The following SNRNP40 variants were observed in gnomAD, a reference collection of about 807,000 sequenced individuals.
The protein encoded by SNRNP40 is U5 small nuclear ribonucleoprotein 40 kDa protein.
SNRNP40 carries 21 observed loss-of-function variants against 45.8 expected under a neutral mutation model. The ratio of observed to expected loss-of-function variants is 0.46; its 90% CI spans 0.32 to 0.66. The LOEUF (loss-of-function observed/expected upper bound fraction) is 0.66, where lower values mean the gene tolerates loss of function less well. SNRNP40 is among the 30% of genes least tolerant of loss of function. The pLI is 0.03. For missense variants in SNRNP40, 344 were observed against 439.1 expected, an observed-to-expected ratio of 0.78 and a Z score of 1.94; for synonymous variants, 142 against 163.8, an observed-to-expected ratio of 0.87 and a Z score of 1.01.
rs1054809047 is a variant in SNRNP40 at position 31,280,348 on chromosome 1, G to A, written c.654+1026C>T. Reference sequence around the variant, plus strand: ...CCAGCTAATTTTTGTATTTTCAGTAGAGACGAGGTTTCACCACATTGGCCA... The same window carrying A: ...CCAGCTAATTTTTGTATTTTCAGTAAAGACGAGGTTTCACCACATTGGCCA... On this transcript the variant is annotated intron_variant, in intron 5 of 9. Transcript: ENST00000263694. Among the ~76,000 whole-genome samples, 14 of 151,646 alleles carry A rather than the reference G, an allele frequency of 9.2e-5. No individual in the cohort carries two copies. The East Asian group carries it at 1.4e-3, about 15-fold the overall frequency.
At chr1:31,274,370 G>A (rs1336621553) in intron 5 of SNRNP40, among the ~76,000 whole-genome samples, 4 of 151,948 alleles carry the variant, frequency 2.6e-5, no homozygotes, top group Non-Finnish European at 5.9e-5. Flanking sequence ...CAGAGTAGCT[G>A]GGACTACAGG....
intron 1 of SNRNP40, among the ~76,000 whole-genome samples, chr1:31,294,814 C>T (rs1254521799): frequency 1.3e-5 from 2 of 151,482 alleles, no homozygotes; most frequent in Admixed American, 6.6e-5. Context: ...TGGTGGCGGG[C>T]GCCTGTAATT....
chr1:31,289,135 T>TA, intron 4 of SNRNP40, 119 bp downstream of exon 4: 1 of 818,198 alleles, frequency 1.2e-6, no homozygotes, highest in Non-Finnish European at 1.9e-6. Context: ...TCAAGTGTGT[T>TA]ATGGGAGATG....
At position 31,296,708 on chromosome 1, in the gene SNRNP40, A is replaced by G. The variant is rs1242357222; in HGVS notation, c.44T>C (p.Val15Ala). 1 of 1,613,498 alleles carries G rather than the reference A, an allele frequency of 6.2e-7. No homozygotes were observed. The highest frequency in any genetic ancestry group is 1.1e-5 in the South Asian group (1 of 91,042). Residue 15 changes from valine (V) to alanine (A), a missense_variant, in exon 1 of 10, where the codon GTT becomes GCT. Physicochemically the swap from Val to Ala is moderately conservative, Grantham distance 64. Transcript: ENST00000263694. Reference sequence around the variant, plus strand: ...CTCATGCCGCTGCCGCTTGACTGGAACCAGCGGCAACTCTGGGCCCTTACG... The same window carrying G: ...CTCATGCCGCTGCCGCTTGACTGGAGCCAGCGGCAACTCTGGGCCCTTACG... ...QKRKGPELPLVPVKRQRHELL... is the reference protein window; with the variant it reads ...QKRKGPELPLAPVKRQRHELL...
intron 4 of SNRNP40, among the ~76,000 whole-genome samples, chr1:31,284,738 T>G (rs111663057): frequency 1.3e-5 from 2 of 152,208 alleles, no homozygotes; most frequent in African/African-American, 4.8e-5. Flanking sequence ...AGAGTCTGAG[T>G]AGGATCTGTG....
chr1:31,262,544 AGAGGAG>A (rs1557672164), intron 8 of SNRNP40, among the ~76,000 whole-genome samples: 14 of 57,418 alleles, frequency 2.4e-4, no homozygotes, highest in Middle Eastern at 0.014. Context: ...AAAAAAAAAA[AGAGGAG>A]AAAAAAGAAA....
intron 4 of SNRNP40, among the ~76,000 whole-genome samples, chr1:31,286,762 T>G (rs1646062559): frequency 6.6e-6 from 1 of 152,184 alleles, no homozygotes; most frequent in African/African-American, 2.4e-5. Context: ...ACTCTCTGAC[T>G]ACTCCCTACA....
intron 6 of SNRNP40, among the ~76,000 whole-genome samples, chr1:31,270,245 T>A (rs1410695286): frequency 6.6e-6 from 1 of 152,224 alleles, no homozygotes. Flanking sequence ...AAAGAATTTG[T>A]AATTGTATTA....
chr1:31,293,738 T>A (rs1001614), intron 1 of SNRNP40, among the ~76,000 whole-genome samples: 14,082 of 151,946 alleles, frequency 0.093, 2,201 homozygotes, highest in African/African-American at 0.32. Flanking sequence ...TGAACTAGCA[T>A]GCCATGCTAA....
chr1:31,267,855 A>AC lies in SNRNP40; in HGVS notation c.920+15dup. 1 of 1,603,984 alleles carries AC rather than the reference A, an allele frequency of 6.2e-7. No individual in the cohort carries two copies. The highest frequency in any genetic ancestry group is 8.5e-7 in the Non-Finnish European group (1 of 1,171,226). On this transcript the variant is annotated intron_variant, in intron 8 of 9. Transcript: ENST00000263694. ...CCAGCTACATCATTCTTTACTTTGC[A>AC]CCCACTAATCCTTACCTGTCGGCTG...
Position 31,270,249 on chromosome 1 carries a change from T to A in SNRNP40, c.776-1009A>T, listed in dbSNP as rs1287942673. On this transcript the variant is annotated intron_variant, in intron 6 of 9. Coordinates refer to ENST00000263694, the MANE Select transcript of SNRNP40 (RefSeq NM_004814.3). Reference sequence around the variant, plus strand: ...CAAACAAAAATAAAGAATTTGTAATTGTATTATGCAGCCACAAGAAATTAT... The same window carrying A: ...CAAACAAAAATAAAGAATTTGTAATAGTATTATGCAGCCACAAGAAATTAT... Among the ~76,000 whole-genome samples the A allele has an allele frequency of 3.3e-5, 5 of 152,308 alleles. No individual in the cohort carries two copies. In the East Asian group the frequency reaches 9.6e-4, roughly 29 times the overall value.
At chr1:31,272,716 A>C (rs1253521962) in intron 5 of SNRNP40, among the ~76,000 whole-genome samples, 1 of 152,230 alleles carries the variant, frequency 6.6e-6, no homozygotes, top group Non-Finnish European at 1.5e-5. Context: ...AACTCAGAAG[A>C]CCAAATGTAA....
intron 8 of SNRNP40, among the ~76,000 whole-genome samples, chr1:31,264,520 C>G (rs538325367): frequency 2.1e-4 from 32 of 152,234 alleles, no homozygotes; most frequent in African/African-American, 7.2e-4. Flanking sequence ...TTTAACTTCT[C>G]TAAGCTTCTT....
chr1:31,268,166 C>T (rs946820619), intron 7 of SNRNP40, among the ~76,000 whole-genome samples: 2 of 151,986 alleles, frequency 1.3e-5, no homozygotes, highest in African/African-American at 4.8e-5. Context: ...AACCTGGCAA[C>T]AAAATTTTGT....
At chr1:31,261,795 A>T (rs1645860947) in intron 8 of SNRNP40, 163 bp from the exon 9 acceptor site, 2 of 536,982 alleles carry the variant, frequency 3.7e-6, no homozygotes, top group Non-Finnish European at 3.3e-6. Flanking sequence ...TTTGAATAAG[A>T]CATGGACTCA....
At position 31,271,318 on chromosome 1, in the gene SNRNP40, T is replaced by C. The variant is rs1404389975; in HGVS notation, c.775+61A>G. ...AACACATTCTAATCGTCTGATGGAA[T>C]CTGTGAGCAATCTTTGACTTTTTCC... On this transcript the variant is annotated intron_variant, in intron 6 of 9. Transcript: ENST00000263694. 15 of 1,541,784 alleles carry C rather than the reference T, an allele frequency of 9.7e-6. No individual in the cohort carries two copies. In the Admixed American group the frequency reaches 2.2e-4, roughly 23 times the overall value.
At chr1:31,288,008 GA>G (rs1455307924) in intron 4 of SNRNP40, among the ~76,000 whole-genome samples, 1 of 150,406 alleles carries the variant, frequency 6.6e-6, no homozygotes, top group Non-Finnish European at 1.5e-5. Flanking sequence ...ACCAAAAATA[GA>G]AAAATTAGGC....
intron 5 of SNRNP40, among the ~76,000 whole-genome samples, chr1:31,272,791 A>T (rs190316499): frequency 2.0e-5 from 3 of 152,258 alleles, no homozygotes; most frequent in African/African-American, 7.2e-5. Flanking sequence ...ATCTTTACAC[A>T]GACTACAGCT....
chr1:31,284,892 AC>A (rs1309678807), intron 4 of SNRNP40, among the ~76,000 whole-genome samples: 3 of 152,180 alleles, frequency 2.0e-5, no homozygotes, highest in African/African-American at 7.2e-5. Context: ...TACATGCCCA[AC>A]ATCTCCTACT....
Sources: allele counts gnomAD v4.1 joint callset (sites outside exome capture counted in the v4.1 genomes callset), GRCh38; gene constraint gnomAD v4.1.1; transcripts MANE v1.5; gene names NCBI Gene and HGNC (gene_info 2026-07-23, HGNC 2026-07-21).